PGBD5: variants seen among roughly 807,000 people sequenced by gnomAD.
PGBD5 encodes the protein piggyBac transposable element-derived protein 5.
PGBD5 carries 14 observed loss-of-function variants against 47.9 expected under a neutral mutation model. That is an observed-to-expected ratio of 0.29 (90% CI 0.19 to 0.46). The LOEUF is 0.46. Among genes scored for constraint, PGBD5 ranks in the 20% least tolerant of loss-of-function variants. The probability of loss-of-function intolerance (pLI) is 1.00; values close to 1 mark genes in which losing one functional copy is unlikely to be tolerated. For synonymous variants in PGBD5, 316 were observed against 306.3 expected (o/e 1.03, Z -0.33); for missense variants, 635 against 716.0 (o/e 0.89, Z 1.29).
intron 1 of PGBD5, among the ~76,000 whole-genome samples, chr1:230,404,869 G>C (rs1214383329): frequency 6.9e-6 from 1 of 145,628 alleles, no homozygotes; most frequent in African/African-American, 2.6e-5. Context: ...AGGTTGCAGT[G>C]AGCCAAGATT....
At chr1:230,402,127 A>G (rs1657152582) in intron 1 of PGBD5, among the ~76,000 whole-genome samples, 1 of 152,238 alleles carries the variant, frequency 6.6e-6, no homozygotes, top group African/African-American at 2.4e-5. Flanking sequence ...CCTTAAAAAA[A>G]AAGAAATGAA....
chr1:230,379,602 A>G (rs1668062166), intron 1 of PGBD5, among the ~76,000 whole-genome samples: 1 of 152,214 alleles, frequency 6.6e-6, no homozygotes. Context: ...AATGCCCTTC[A>G]GGCCTCCTTG....
intron 5 of PGBD5, among the ~76,000 whole-genome samples, chr1:230,332,000 C>T (rs545464677): frequency 1.1e-3 from 173 of 150,950 alleles, no homozygotes; most frequent in Non-Finnish European, 1.5e-3. Flanking sequence ...CAGACTGTAC[C>T]GCAGAAACAT....
chr1:230,362,279 G>C (rs766993341), intron 1 of PGBD5: 1 of 1,367,178 alleles, frequency 7.3e-7, no homozygotes, highest in Non-Finnish European at 9.8e-7. Flanking sequence ...TCACCTCCAT[G>C]CTCTGCACTG....
chr1:230,315,371 G>T lies in PGBD5; in HGVS notation c.*8054C>A, dbSNP rs11582949. On this transcript the variant is annotated 3_prime_UTR_variant, in exon 7 of 7. Coordinates refer to ENST00000391860, the MANE Select transcript of PGBD5 (RefSeq NM_001258311.2). ...CTGCCTCCTGGGATATGCACCCGGC[G>T]GTCCCCATTCAGCCCCGGGAGCCAC... 19,079 of 139,500 alleles carry T rather than the reference G, an allele frequency of 0.14. 1,575 individuals carry two copies. The highest frequency in any genetic ancestry group is 0.2 in the Middle Eastern group (59 of 292). The allele number at this position is 139,500 out of a possible 1,614,324, so 8.6% of individuals were successfully genotyped here.
intron 1 of PGBD5, among the ~76,000 whole-genome samples, chr1:230,393,546 G>A (rs1223529325): frequency 2.0e-5 from 3 of 152,246 alleles, no homozygotes; most frequent in South Asian, 4.1e-4. Context: ...GCTCAGAAAA[G>A]AAAATAATAG....
At position 230,357,119 on chromosome 1, in the gene PGBD5, G is replaced by T. The variant is rs750558878; in HGVS notation, c.534C>A (p.Ser178Arg). The T allele has an allele frequency of 6.8e-6, 11 of 1,614,186 alleles. No individual in the cohort carries two copies. Among genetic ancestry groups the T allele is most frequent in the Non-Finnish European group, 8.5e-6 (10 of 1,180,044 alleles). Reference sequence around the variant, plus strand: ...TGAGGACGGACTCGCAGTGGGAGATGCTGGTGGAGATCATGTAGCCCAGGA... The same window carrying T: ...TGAGGACGGACTCGCAGTGGGAGATTCTGGTGGAGATCATGTAGCCCAGGA... ...KAFLGYMIST[S>R]ISHCESVLSI... is the part of the protein sequence containing the mutation. The change falls in exon 2 of 7, where the codon AGC (serine) becomes AGA (arginine). Residue 178 changes from serine to arginine, a missense_variant. Transcript: ENST00000391860. This position sits in a 1 kb window ranked among gnomAD's most constrained non-coding sequence, Gnocchi z 5.7.
chr1:230,408,638 G>A (rs1203147133), intron 1 of PGBD5, among the ~76,000 whole-genome samples: 2 of 152,020 alleles, frequency 1.3e-5, no homozygotes, highest in African/African-American at 4.8e-5. Context: ...TTCAATTAAT[G>A]GTGCTGAAGC....
At chr1:230,340,291 C>T (rs1285699913) in intron 3 of PGBD5, among the ~76,000 whole-genome samples, 5 of 151,960 alleles carry the variant, frequency 3.3e-5, no homozygotes, top group Admixed American at 3.3e-4. Context: ...TTAACAATGA[C>T]CTAACTACCT....
chr1:230,420,731 CCT>C (rs1484933665), intron 1 of PGBD5, among the ~76,000 whole-genome samples: 3 of 152,184 alleles, frequency 2.0e-5, no homozygotes, highest in Admixed American at 6.5e-5. Flanking sequence ...GTCCAATAAA[CCT>C]CTTTCTTTTA....
intron 1 of PGBD5, among the ~76,000 whole-genome samples, chr1:230,401,737 CCT>C (rs1443799457): frequency 6.6e-6 from 1 of 152,238 alleles, no homozygotes; most frequent in East Asian, 1.9e-4. Context: ...CATTCGCTGA[CCT>C]CTAGTCACTG....
At chr1:230,343,806 A>G (rs539362011) in intron 3 of PGBD5, among the ~76,000 whole-genome samples, 26 of 152,370 alleles carry the variant, frequency 1.7e-4, no homozygotes, top group African/African-American at 5.5e-4. Flanking sequence ...GGAAAAAAAC[A>G]CTTTAGTGCA....
chr1:230,426,310 A>ACGGCCTCCGGCGCTCGGCTGC lies in PGBD5; in HGVS notation c.-403_-383dup, dbSNP rs1657787275. On this transcript the variant is annotated 5_prime_UTR_variant, in exon 1 of 7. Transcript: ENST00000391860. ...CGCCGCCTCCCTGCCCGCCCTCTCCACGGCCTCCGGCGCTCGGCTGCCGAC... is the reference window on the plus strand; with the variant it reads ...CGCCGCCTCCCTGCCCGCCCTCTCCACGGCCTCCGGCGCTCGGCTGCCGGCCTCCGGCGCTCGGCTGCCGAC... The ACGGCCTCCGGCGCTCGGCTGC allele has an allele frequency of 6.7e-6, 1 of 148,442 alleles. No individual in the cohort carries two copies. The highest frequency in any genetic ancestry group is 2.0e-4 in the East Asian group (1 of 5,060). The allele number at this position is 148,442 out of a possible 1,614,324, so 9.2% of individuals were successfully genotyped here.
intron 1 of PGBD5, chr1:230,362,225 T>C (rs760948255): frequency 1.0e-5 from 14 of 1,344,984 alleles, no homozygotes. Context: ...GTTCCCCAAA[T>C]CAGGTGAGAC....
intron 3 of PGBD5, among the ~76,000 whole-genome samples, chr1:230,341,603 C>T (rs566419703): frequency 7.2e-5 from 11 of 152,294 alleles, no homozygotes; most frequent in South Asian, 2.1e-4. Context: ...TCCCCAGACA[C>T]GACACGGAAG....
At position 230,333,056 on chromosome 1, in the gene PGBD5, A is replaced by C; in HGVS notation, c.1076-15T>G. ...GCAGTAAATCCCTGAGGGGAGAGGG[A>C]GGAAGGATCGCACACTCACCACCAT... is the stretch of plus-strand genomic sequence containing the variant. On this transcript the variant is annotated splice_polypyrimidine_tract_variant and intron_variant, in intron 4 of 6. Coordinates refer to ENST00000391860, the MANE Select transcript of PGBD5 (RefSeq NM_001258311.2). 1 of 1,577,374 alleles carries C rather than the reference A, an allele frequency of 6.3e-7. No homozygotes were observed. Among genetic ancestry groups the C allele is most frequent in the Non-Finnish European group, 8.6e-7 (1 of 1,161,876 alleles).
intron 1 of PGBD5, among the ~76,000 whole-genome samples, chr1:230,398,422 A>G (rs11122502): frequency 6.6e-6 from 1 of 151,970 alleles, no homozygotes; most frequent in Non-Finnish European, 1.5e-5. Flanking sequence ...TGGGACACCA[A>G]TCAGATTGGA....
chr1:230,372,968 C>T (rs1422261657), intron 1 of PGBD5, among the ~76,000 whole-genome samples: 3 of 152,258 alleles, frequency 2.0e-5, no homozygotes, highest in African/African-American at 4.8e-5. Context: ...AAGATCTTGA[C>T]GGAGAATGAA....
intron 1 of PGBD5, among the ~76,000 whole-genome samples, chr1:230,385,118 C>T (rs148483407): frequency 2.5e-4 from 38 of 152,194 alleles, no homozygotes; most frequent in African/African-American, 8.9e-4. Flanking sequence ...TCACACCCAG[C>T]GTTGGGGCTG....
Sources: gnomAD v4.1 joint callset for allele counts (sites outside exome capture counted in the v4.1 genomes callset) on GRCh38, gnomAD v4.1.1 for gene constraint, Gnocchi (gnomAD v3.1) non-coding constraint, MANE v1.5 for transcripts, NCBI Gene and HGNC (gene_info 2026-07-23, HGNC 2026-07-21) for gene names.